FAM216B: variants seen among roughly 807,000 people sequenced by gnomAD.
The protein encoded by FAM216B is family with sequence similarity 216 member B, also known as protein FAM216B.
Under a neutral mutation model 12.9 loss-of-function variants are expected in FAM216B, and 11 were observed. The ratio of observed to expected loss-of-function variants is 0.86; its 90% CI spans 0.54 to 1.42. The LOEUF (loss-of-function observed/expected upper bound fraction) is 1.42. Among genes scored for constraint, FAM216B ranks in the 40% most tolerant of loss-of-function variants. The probability of loss-of-function intolerance (pLI) is 0.00; values close to 1 mark genes in which losing one functional copy is unlikely to be tolerated. For missense variants in FAM216B, 167 were observed against 162.9 expected (o/e 1.02, Z -0.14); for synonymous variants, 52 against 57.2 (o/e 0.91, Z 0.41).
chr13:42,784,853 A>T (rs1057241709), intron 2 of FAM216B, among the ~76,000 whole-genome samples: 60 of 150,852 alleles, frequency 4.0e-4, no homozygotes, highest in African/African-American at 5.8e-4. Flanking sequence ...ATAAATAAAT[A>T]AATTAAAAAT....
Position 42,788,884 on chromosome 13 carries a change from A to G in FAM216B, c.*94A>G. 1 of 1,204,022 alleles carries G rather than the reference A, an allele frequency of 8.3e-7. No homozygotes were observed. Among genetic ancestry groups the G allele is most frequent in the Admixed American group, 2.7e-5 (1 of 36,656 alleles). The allele number at this position is 1,204,022 out of a possible 1,614,324, so 74.6% of individuals were successfully genotyped here. A position where few individuals can be genotyped will look rare whatever the true frequency, so the allele number is the denominator to read the frequency against. On this transcript the variant is annotated 3_prime_UTR_variant, in exon 4 of 4. Transcript: ENST00000313851. ...CATATTTGTTGAATGACAGTGAATA[A>G]TTTCTAATATAAACCCCAGACCTAA...
At chr13:42,785,138 G>A (rs756631634) in intron 2 of FAM216B, among the ~76,000 whole-genome samples, 4 of 152,128 alleles carry the variant, frequency 2.6e-5, no homozygotes, top group Non-Finnish European at 5.9e-5. Context: ...GGCAAAATTA[G>A]TTATTCAGGA....
chr13:42,786,723 C>T (rs1874102887), intron 2 of FAM216B, 40 bp from the exon 3 acceptor site: 1 of 1,601,370 alleles, frequency 6.2e-7, no homozygotes, highest in Non-Finnish European at 8.5e-7. Flanking sequence ...TGCTGTGGAA[C>T]TCCACACACT....
Position 42,784,173 on chromosome 13 carries a change from C to CTTTGTTTT in FAM216B, c.99+10_99+11insGTTTTTTT. 1 of 750,744 alleles carries CTTTGTTTT rather than the reference C, an allele frequency of 1.3e-6. No individual in the cohort carries two copies. The highest frequency in any genetic ancestry group is 3.4e-5 in the East Asian group (1 of 29,108). 46.5% of individuals were successfully genotyped at this position (750,744 alleles called of 1,614,324 possible). On this transcript the variant is annotated splice_region_variant and intron_variant, in intron 2 of 3. Transcript: ENST00000313851. ...TGACACTTCCTTACTAAAGGTATGG[C>CTTTGTTTT]TTTTTTTTTTTTTTTTTTTTCACAG...
chr13:42,782,995 GA>G (rs369484341), intron 1 of FAM216B, among the ~76,000 whole-genome samples: 1,594 of 149,160 alleles, frequency 0.011, 39 homozygotes, highest in African/African-American at 0.037. Flanking sequence ...AATGTACACA[GA>G]AAAAAAAAAT....
rs1232009198 is a variant in FAM216B at position 42,788,526 on chromosome 13, T to G, written c.221-65T>G. ...TGTACACATAAGTAAATATTTGCAG[T>G]TTTGTTTTCTTATTTGCCTTGTAAA... On this transcript the variant is annotated intron_variant, in intron 3 of 3. Transcript: ENST00000313851. 6.6e-6 allele frequency: 9 copies of G among 1,365,422 alleles called. No individual in the cohort carries two copies. In the Admixed American group the frequency reaches 1.1e-4, roughly 16 times the overall value. The allele number at this position is 1,365,422 out of a possible 1,614,324, so 84.6% of individuals were successfully genotyped here. A position where few individuals can be genotyped will look rare whatever the true frequency, so the allele number is the denominator to read the frequency against.
intron 2 of FAM216B, 117 bp downstream of exon 2, chr13:42,784,283 C>A: frequency 1.4e-6 from 1 of 702,878 alleles, no homozygotes; most frequent in Non-Finnish European, 2.2e-6. Context: ...AGAATATTGG[C>A]CGCATAATAA....
Position 42,788,603 on chromosome 13 carries a change from A to G in FAM216B, c.233A>G (p.Gln78Arg), listed in dbSNP as rs1874181335. 4 of 1,612,548 alleles carry G rather than the reference A, an allele frequency of 2.5e-6. No homozygotes were observed. The highest frequency in any genetic ancestry group is 3.4e-6 in the Non-Finnish European group (4 of 1,179,246). The change falls in exon 4 of 4, where the codon CAA becomes CGA. Residue 78 changes from glutamine to arginine, a missense_variant. Physicochemically the swap from Gln to Arg is conservative, Grantham distance 43. Transcript: ENST00000313851. ...QHQQLLGYITQREALSYALVL... is the reference protein window; with the variant it reads ...QHQQLLGYITRREALSYALVL... ...TTCTTTCCCCTAGGCTATATTACTC[A>G]ACGGGAAGCCTTGTCTTATGCTCTT...
Position 42,784,172 on chromosome 13 carries a change from G to GA in FAM216B, c.99+6_99+7insA. ...ATGACACTTCCTTACTAAAGGTATG[G>GA]CTTTTTTTTTTTTTTTTTTTTCACA... On this transcript the variant is annotated splice_region_variant and intron_variant, in intron 2 of 3. Transcript: ENST00000313851. The GA allele has an allele frequency of 2.5e-6, 2 of 808,990 alleles. No homozygotes were observed. 50.1% of individuals were successfully genotyped at this position (808,990 alleles called of 1,614,324 possible).
chr13:42,789,401 T>C lies in FAM216B; in HGVS notation c.*611T>C, dbSNP rs1018161795. On this transcript the variant is annotated 3_prime_UTR_variant, in exon 4 of 4. Coordinates refer to ENST00000313851, the MANE Select transcript of FAM216B (RefSeq NM_001318932.2). ...TGAATTGATTTTATGGAGCTGTAAC[T>C]GGCCTTGACATGGGTAAGAGAATTC... 2.0e-5 allele frequency: 3 copies of C among 152,234 alleles called. No individual in the cohort carries two copies. The highest frequency in any genetic ancestry group is 7.2e-5 in the African/African-American group (3 of 41,462). The allele number at this position is 152,234 out of a possible 1,614,324, so 9.4% of individuals were successfully genotyped here.
Position 42,788,692 on chromosome 13 carries a change from A to G in FAM216B, c.322A>G (p.Lys108Glu). The change falls in exon 4 of 4, where the codon AAA becomes GAA. Residue 108 changes from lysine to glutamate, a missense_variant. By Grantham distance (56) the Lys-to-Glu change is moderately conservative (BLOSUM62 1). Coordinates refer to ENST00000313851, the MANE Select transcript of FAM216B (RefSeq NM_001318932.2). ...KVAPQRTIPRKTSAMTRRCPS... is the reference protein window; with the variant it reads ...KVAPQRTIPRETSAMTRRCPS... ...AGCTCCTCAAAGAACCATTCCCCGG[A>G]AAACTTCAGCCATGACAAGAAGATG... is the stretch of plus-strand genomic sequence containing the variant. 6.2e-7 allele frequency: 1 copy of G among 1,613,984 alleles called. No homozygotes were observed.
At position 42,790,270 on chromosome 13, in the gene FAM216B, G is replaced by A. The variant is rs1278707592; in HGVS notation, c.*1480G>A. 6.6e-6 allele frequency: 1 copy of A among 152,006 alleles called. No homozygotes were observed. Among genetic ancestry groups the A allele is most frequent in the Non-Finnish European group, 1.5e-5 (1 of 68,020 alleles). The allele number at this position is 152,006 out of a possible 1,614,324, so 9.4% of individuals were successfully genotyped here. ...CTTGGCCTATACTAGCCTTCCCATTGTTTTCACAATGGGCCTTTTATCCCC... is the reference window on the plus strand; with the variant it reads ...CTTGGCCTATACTAGCCTTCCCATTATTTTCACAATGGGCCTTTTATCCCC... On this transcript the variant is annotated 3_prime_UTR_variant, in exon 4 of 4. Coordinates refer to ENST00000313851, the MANE Select transcript of FAM216B (RefSeq NM_001318932.2).
chr13:42,787,608 C>T lies in FAM216B; in HGVS notation c.220+725C>T, dbSNP rs146913464. Among the ~76,000 whole-genome samples the T allele has an allele frequency of 2.0e-3, 303 of 152,304 alleles. 1 individual carries two copies. The Middle Eastern group carries it at 0.02, about 10-fold the overall frequency. On this transcript the variant is annotated intron_variant, in intron 3 of 3. Transcript: ENST00000313851. ...AAAGTCCCTTTTCTTGCAGGAAATG[C>T]TTTCAGTTGCTGGCTGCCCTTCATC...
Position 42,788,892 on chromosome 13 carries a change from T to C in FAM216B, c.*102T>C. 2.6e-6 allele frequency: 3 copies of C among 1,162,874 alleles called. No individual in the cohort carries two copies. The Admixed American group carries it at 8.4e-5, about 33-fold the overall frequency. 72.0% of individuals were successfully genotyped at this position (1,162,874 alleles called of 1,614,324 possible). ...TTGAATGACAGTGAATAATTTCTAA[T>C]ATAAACCCCAGACCTAAAAATAATC... On this transcript the variant is annotated 3_prime_UTR_variant, in exon 4 of 4. Coordinates refer to ENST00000313851, the MANE Select transcript of FAM216B (RefSeq NM_001318932.2).
At chr13:42,785,100 T>C (rs919475700) in intron 2 of FAM216B, among the ~76,000 whole-genome samples, 8 of 152,342 alleles carry the variant, frequency 5.3e-5, no homozygotes, top group South Asian at 2.1e-4. Context: ...ACAATTTTCA[T>C]ATTATCTTGT....
intron 3 of FAM216B, among the ~76,000 whole-genome samples, chr13:42,787,401 ATGTC>A (rs1255917730): frequency 9.2e-5 from 14 of 152,182 alleles, no homozygotes; most frequent in African/African-American, 3.4e-4. Flanking sequence ...CAGGTAATAA[ATGTC>A]TGTTAGGACT....
At chr13:42,785,234 T>C (rs535424807) in intron 2 of FAM216B, among the ~76,000 whole-genome samples, 4 of 152,300 alleles carry the variant, frequency 2.6e-5, no homozygotes, top group African/African-American at 9.6e-5. Flanking sequence ...AATTATGAAG[T>C]ACTTGGCTTT....
rs1874194645 is a variant in FAM216B, at chr13:42,788,757, C to A, written c.387C>A (p.Ala129=). 1.2e-6 allele frequency: 2 copies of A among 1,613,054 alleles called. No individual in the cohort carries two copies. The highest frequency in any genetic ancestry group is 2.2e-5 in the East Asian group (1 of 44,850). The change falls in exon 4 of 4, where the codon GCC becomes GCA. Residue 129 remains alanine, a synonymous_variant. Coordinates refer to ENST00000313851, the MANE Select transcript of FAM216B (RefSeq NM_001318932.2). ...VLPVSVVLPR[A]QSKRRQVLRN ...CTGTATCTGTGGTTCTACCTAGGGCCCAAAGTAAAAGGCGCCAAGTGCTCA... is the reference window on the plus strand; with the variant it reads ...CTGTATCTGTGGTTCTACCTAGGGCACAAAGTAAAAGGCGCCAAGTGCTCA...
chr13:42,783,960 A>C, intron 1 of FAM216B, 94 bp from the exon 2 acceptor site: 1 of 711,222 alleles, frequency 1.4e-6, no homozygotes, highest in Non-Finnish European at 2.3e-6. Flanking sequence ...CATTTTTAAA[A>C]ATTCATTTAC....
Sources: allele counts gnomAD v4.1 joint callset (sites outside exome capture counted in the v4.1 genomes callset), GRCh38; gene constraint gnomAD v4.1.1; transcripts MANE v1.5; gene names NCBI Gene and HGNC (gene_info 2026-07-23, HGNC 2026-07-21).